Variants in EFNA5 observed in about 807,000 individuals in gnomAD.
EFNA5 encodes ephrin A5.
EFNA5 carries 5 observed loss-of-function variants against 22.9 expected under a neutral mutation model. The ratio of observed to expected loss-of-function variants is 0.22; its 90% CI spans 0.11 to 0.46. The LOEUF is 0.46. Ranked by LOEUF, EFNA5 falls within the 20% of genes least tolerant of loss-of-function variation. The pLI, the probability that EFNA5 is intolerant of heterozygous loss-of-function variation, is 0.99. For missense variants in EFNA5, 237 were observed against 293.3 expected (o/e 0.81, Z 1.40); for synonymous variants, 113 against 112.2 (o/e 1.01, Z -0.04).
At chr5:107,584,502 T>A (rs1749134892) in intron 1 of EFNA5, among the ~76,000 whole-genome samples, 1 of 152,244 alleles carries the variant, frequency 6.6e-6, no homozygotes, top group Non-Finnish European at 1.5e-5. Flanking sequence ...ATAAATAACC[T>A]TTAAATTCAA....
chr5:107,495,185 T>C (rs537628128), intron 1 of EFNA5, among the ~76,000 whole-genome samples: 1 of 152,268 alleles, frequency 6.6e-6, no homozygotes, highest in African/African-American at 2.4e-5. Flanking sequence ...GCTCACTCTT[T>C]GGGTCCACAC....
At chr5:107,629,733 C>T (rs1440868333) in intron 1 of EFNA5, among the ~76,000 whole-genome samples, 1 of 152,176 alleles carries the variant, frequency 6.6e-6, no homozygotes, top group African/African-American at 2.4e-5. Context: ...TGAATACAGC[C>T]CAACACAAAT....
In EFNA5 at chr5:107,472,321, G is replaced by A. The variant is rs560285099; in HGVS notation, c.126-44812C>T. Among the ~76,000 whole-genome samples the A allele has an allele frequency of 2.5e-4, 38 of 152,222 alleles. No homozygotes were observed. The East Asian group carries it at 2.5e-3, about 10-fold the overall frequency. On this transcript the variant is annotated intron_variant, in intron 1 of 4. Coordinates refer to ENST00000333274, the MANE Select transcript of EFNA5 (RefSeq NM_001962.3). ...GTCATCAAATATTTTTATCGTAAGC[G>A]TCTATACTTGCAGTGACTCAAGACC... is the stretch of plus-strand genomic sequence containing the variant.
intron 1 of EFNA5, among the ~76,000 whole-genome samples, chr5:107,524,791 T>A (rs1181118791): frequency 1.3e-5 from 2 of 152,166 alleles, no homozygotes; most frequent in African/African-American, 4.8e-5. Flanking sequence ...ACAGCATCTA[T>A]CCACCTTTGC....
intron 1 of EFNA5, chr5:107,506,080 T>TA (rs1747244208): frequency 6.6e-6 from 1 of 152,272 alleles, no homozygotes; most frequent in Admixed American, 6.5e-5. Context: ...CTTGAGCACT[T>TA]ACGCTTTATT....
chr5:107,495,987 C>T (rs1416652873), intron 1 of EFNA5, among the ~76,000 whole-genome samples: 1 of 151,896 alleles, frequency 6.6e-6, no homozygotes, highest in Non-Finnish European at 1.5e-5. Context: ...TTGTCCAGGC[C>T]TCTTTTTTCT....
chr5:107,409,355 G>C (rs924816994), intron 2 of EFNA5, among the ~76,000 whole-genome samples: 6 of 152,176 alleles, frequency 3.9e-5, no homozygotes, highest in Non-Finnish European at 7.3e-5. Flanking sequence ...CAAACATTAA[G>C]CCTGTGAGAG....
chr5:107,471,877 T>C (rs970642075), intron 1 of EFNA5, among the ~76,000 whole-genome samples: 7 of 152,246 alleles, frequency 4.6e-5, no homozygotes, highest in African/African-American at 1.7e-4. Flanking sequence ...GACAGTGATA[T>C]TACATATGTA....
At chr5:107,546,818 A>T (rs946820205) in intron 1 of EFNA5, among the ~76,000 whole-genome samples, 1 of 152,068 alleles carries the variant, frequency 6.6e-6, no homozygotes, top group African/African-American at 2.4e-5. Flanking sequence ...CATATCATGG[A>T]ATTCTTTTTT....
chr5:107,574,110 G>T (rs1406560096), intron 1 of EFNA5, among the ~76,000 whole-genome samples: 1 of 152,202 alleles, frequency 6.6e-6, no homozygotes, highest in Admixed American at 6.5e-5. Context: ...TTTATTTCAA[G>T]TATGGGGATA....
At chr5:107,665,383 G>C (rs540118564) in intron 1 of EFNA5, among the ~76,000 whole-genome samples, 3 of 152,332 alleles carry the variant, frequency 2.0e-5, no homozygotes, top group Admixed American at 2.0e-4. Context: ...TTGCACCCAA[G>C]TAACTAAGTG....
At chr5:107,659,866 G>T (rs1470337570) in intron 1 of EFNA5, among the ~76,000 whole-genome samples, 1 of 151,890 alleles carries the variant, frequency 6.6e-6, no homozygotes, top group African/African-American at 2.4e-5. Context: ...TCCTAACAAA[G>T]AACTGCATTT....
At chr5:107,522,823 AT>A (rs1747624031) in intron 1 of EFNA5, among the ~76,000 whole-genome samples, 1 of 152,092 alleles carries the variant, frequency 6.6e-6, no homozygotes. Context: ...TATGAACTAT[AT>A]TTTTTATTCA....
chr5:107,470,511 A>T (rs1489924906), intron 1 of EFNA5, among the ~76,000 whole-genome samples: 1 of 152,204 alleles, frequency 6.6e-6, no homozygotes, highest in Non-Finnish European at 1.5e-5. Flanking sequence ...GTCTTATTTG[A>T]TTAAAATTGG....
chr5:107,548,144 T>C (rs1193011203), intron 1 of EFNA5, among the ~76,000 whole-genome samples: 1 of 152,204 alleles, frequency 6.6e-6, no homozygotes. Flanking sequence ...CAAACTAACC[T>C]ACTCAAGGAA....
intron 1 of EFNA5, among the ~76,000 whole-genome samples, chr5:107,437,218 A>G (rs558433635): frequency 1.4e-4 from 22 of 152,332 alleles, no homozygotes; most frequent in African/African-American, 5.3e-4. Flanking sequence ...TTTATGTTTT[A>G]TCTTCATCAG....
intron 1 of EFNA5, among the ~76,000 whole-genome samples, chr5:107,616,558 TAATA>T (rs751884120): frequency 2.6e-5 from 4 of 152,024 alleles, no homozygotes; most frequent in African/African-American, 9.7e-5. Context: ...TTTTAAAAAA[TAATA>T]AATAAAAAGA....
intron 2 of EFNA5, among the ~76,000 whole-genome samples, chr5:107,418,135 T>C (rs1486078061): frequency 6.6e-6 from 1 of 152,214 alleles, no homozygotes; most frequent in Non-Finnish European, 1.5e-5. Flanking sequence ...TCAGACATCA[T>C]CACACTGAAA....
intron 1 of EFNA5, among the ~76,000 whole-genome samples, chr5:107,444,655 A>C (rs1749344499): frequency 6.6e-6 from 1 of 152,224 alleles, no homozygotes. Context: ...GCGCAATTTG[A>C]GATTACAGTT....
Sources: allele counts gnomAD v4.1 joint callset (sites outside exome capture counted in the v4.1 genomes callset), GRCh38; gene constraint gnomAD v4.1.1; transcripts MANE v1.5; gene names NCBI Gene and HGNC (gene_info 2026-07-23, HGNC 2026-07-21).